ABRA: variants seen among roughly 807,000 people sequenced by gnomAD.
The protein encoded by ABRA is actin binding Rho activating protein.
Under a neutral mutation model 33.4 loss-of-function variants are expected in ABRA, and 25 were observed. That is an observed-to-expected ratio of 0.75 (90% CI 0.55 to 1.04). The LOEUF (loss-of-function observed/expected upper bound fraction) is 1.04. ABRA is among the 50% of genes least tolerant of loss of function. The pLI, the probability that ABRA is intolerant of heterozygous loss-of-function variation, is 0.00. For synonymous variants in ABRA, 193 were observed against 176.8 expected (o/e 1.09, Z -0.73); for missense variants, 501 against 491.7 (o/e 1.02, Z -0.18).
rs530611780 is a variant in ABRA at position 106,763,490 on chromosome 8, G to A, written c.669-1976C>T. Among the ~76,000 whole-genome samples, 348 of 152,322 alleles carry A rather than the reference G, an allele frequency of 2.3e-3. 1 individual carries two copies. Among genetic ancestry groups the A allele is most frequent in the Non-Finnish European group, 3.6e-3 (246 of 68,030 alleles). ...TGCTAGGAGCTCACCAGGCTGAAGTGTAATGGATTTCCCTCAGCCCTCCTT... is the reference window on the plus strand; with the variant it reads ...TGCTAGGAGCTCACCAGGCTGAAGTATAATGGATTTCCCTCAGCCCTCCTT... On this transcript the variant is annotated intron_variant, in intron 1 of 1. Transcript: ENST00000311955.
chr8:106,770,134 C>A lies in ABRA; in HGVS notation c.57G>T (p.Lys19Asn). ...TGATGACCAGGGTGGCTGTGCGTAT[C>A]TTCCGGAGGGCGCTCTTGGCTGGGC... ...GEGPAKSALR[K>N]IRTATLVISL... Residue 19 changes from lysine to asparagine, a missense_variant, in exon 1 of 2, where the codon AAG becomes AAT. Coordinates refer to ENST00000311955, the MANE Select transcript of ABRA (RefSeq NM_139166.5). The A allele has an allele frequency of 6.2e-7, 1 of 1,613,684 alleles. No homozygotes were observed. The highest frequency in any genetic ancestry group is 8.5e-7 in the Non-Finnish European group (1 of 1,179,816).
At chr8:106,764,585 G>GAGAT (rs1177025320) in intron 1 of ABRA, among the ~76,000 whole-genome samples, 1 of 152,200 alleles carries the variant, frequency 6.6e-6, no homozygotes, top group Non-Finnish European at 1.5e-5. Flanking sequence ...CTGTTAGGCA[G>GAGAT]AGATTGCAGT....
At chr8:106,764,944 A>G (rs1224213328) in intron 1 of ABRA, among the ~76,000 whole-genome samples, 2 of 152,270 alleles carry the variant, frequency 1.3e-5, no homozygotes, top group East Asian at 3.9e-4. Context: ...ACTCAGGGTT[A>G]GAAAGTCTTA....
rs1172726112 is a variant in ABRA at position 106,760,929 on chromosome 8, T to C, written c.*108A>G. 8 of 1,021,654 alleles carry C rather than the reference T, an allele frequency of 7.8e-6. No homozygotes were observed. The East Asian group carries it at 1.7e-4, about 21-fold the overall frequency. 63.3% of individuals were successfully genotyped at this position (1,021,654 alleles called of 1,614,324 possible). ...CAGAAAGTCGTTTATGTAAAAATTG[T>C]TTAATATTTACTAACTTATTACAGA... On this transcript the variant is annotated 3_prime_UTR_variant, in exon 2 of 2. Transcript: ENST00000311955.
intron 1 of ABRA, among the ~76,000 whole-genome samples, chr8:106,768,660 G>A (rs773733119): frequency 2.0e-5 from 3 of 152,130 alleles, no homozygotes; most frequent in African/African-American, 4.8e-5. Flanking sequence ...GTGAAACAGA[G>A]TCTTGCTGTG....
rs758515853 is a variant in ABRA, at chr8:106,769,936, C to A, written c.255G>T (p.Leu85=). The change falls in exon 1 of 2, where the codon CTG becomes CTT. Residue 85 remains leucine, a synonymous_variant. Transcript: ENST00000311955. ...TTTGTCCATCTCCATGTCCTTCTGG[C>A]AGGCGGGGTGGCGACTTTGGGGCAC... is the stretch of plus-strand genomic sequence containing the variant. ...AQSAPKSPPR[L]PEGHGDGQSS... The A allele has an allele frequency of 3.1e-6, 5 of 1,613,954 alleles. No individual in the cohort carries two copies. The highest frequency in any genetic ancestry group is 4.2e-6 in the Non-Finnish European group (5 of 1,180,002).
Position 106,761,326 on chromosome 8 carries a change from T to C in ABRA, c.857A>G (p.Tyr286Cys), listed in dbSNP as rs763919499. 9 of 1,614,198 alleles carry C rather than the reference T, an allele frequency of 5.6e-6. No homozygotes were observed. In the Admixed American group the frequency reaches 1.5e-4, roughly 27 times the overall value. ...STRLHKGDEG[Y>C]GRPKEGTKTA... is the part of the protein sequence containing the mutation. ...TTTGGTTCCTTCTTTGGGGCGGCCA[T>C]AGCCCTCATCTCCTTTGTGTAGGCG... The change falls in exon 2 of 2, where the codon TAT becomes TGT. Residue 286 changes from tyrosine (Y) to cysteine (C), a missense_variant. Transcript: ENST00000311955.
intron 1 of ABRA, among the ~76,000 whole-genome samples, chr8:106,763,501 C>T (rs1374561673): frequency 6.6e-6 from 1 of 152,188 alleles, no homozygotes; most frequent in African/African-American, 2.4e-5. Flanking sequence ...TAATGGATTT[C>T]CCTCAGCCCT....
chr8:106,769,920 C>T lies in ABRA; in HGVS notation c.271G>A (p.Asp91Asn). The T allele has an allele frequency of 1.2e-6, 2 of 1,614,152 alleles. No individual in the cohort carries two copies. The highest frequency in any genetic ancestry group is 1.7e-6 in the Non-Finnish European group (2 of 1,180,028). ...GGGGCTTTCTCTGAGCTTTGTCCATCTCCATGTCCTTCTGGCAGGCGGGGT... is the reference window on the plus strand; with the variant it reads ...GGGGCTTTCTCTGAGCTTTGTCCATTTCCATGTCCTTCTGGCAGGCGGGGT... The part of the protein sequence containing the change: ...SPPRLPEGHG[D>N]GQSSEKAPEV... Residue 91 changes from aspartate to asparagine, a missense_variant, in exon 1 of 2, where the codon GAT becomes AAT. By Grantham distance (23) the Asp-to-Asn change is conservative. Coordinates refer to ENST00000311955, the MANE Select transcript of ABRA (RefSeq NM_139166.5).
intron 1 of ABRA, among the ~76,000 whole-genome samples, chr8:106,761,984 T>C (rs1008420855): frequency 1.3e-5 from 2 of 152,180 alleles, no homozygotes; most frequent in African/African-American, 2.4e-5. Flanking sequence ...TTTTTATATG[T>C]GGATTTTTCA....
intron 1 of ABRA, among the ~76,000 whole-genome samples, chr8:106,763,413 A>G (rs1836164786): frequency 6.6e-6 from 1 of 152,210 alleles, no homozygotes; most frequent in African/African-American, 2.4e-5. Context: ...GAAAGCACAC[A>G]AAAACCATAT....
At chr8:106,762,667 T>C (rs1240363451) in intron 1 of ABRA, among the ~76,000 whole-genome samples, 1 of 151,702 alleles carries the variant, frequency 6.6e-6, no homozygotes, top group Non-Finnish European at 1.5e-5. Flanking sequence ...CTGTTGGGGG[T>C]CAGGGGGAGG....
intron 1 of ABRA, among the ~76,000 whole-genome samples, chr8:106,768,356 C>T (rs1192740977): frequency 6.6e-6 from 1 of 152,128 alleles, no homozygotes; most frequent in African/African-American, 2.4e-5. Context: ...ATACATGTTT[C>T]AGTTTGAGTA....
chr8:106,766,263 G>C (rs1442077301), intron 1 of ABRA, among the ~76,000 whole-genome samples: 2 of 152,044 alleles, frequency 1.3e-5, no homozygotes, highest in Non-Finnish European at 2.9e-5. Context: ...CATTTTCATA[G>C]TAAAACTCCA....
intron 1 of ABRA, among the ~76,000 whole-genome samples, chr8:106,768,168 T>C (rs577890595): frequency 2.6e-5 from 4 of 152,208 alleles, no homozygotes; most frequent in Non-Finnish European, 5.9e-5. Context: ...TATTGTTTCA[T>C]AAGACTTGAA....
At position 106,760,810 on chromosome 8, in the gene ABRA, T is replaced by C. The variant is rs1836123748; in HGVS notation, c.*227A>G. On this transcript the variant is annotated 3_prime_UTR_variant, in exon 2 of 2. Coordinates refer to ENST00000311955, the MANE Select transcript of ABRA (RefSeq NM_139166.5). The stretch of plus-strand genomic sequence containing the variant: ...CCTGTGGAATTTCAACTATTAATAC[T>C]ATTATTATACATTAACATTCTATGT... 5.6e-6 allele frequency: 3 copies of C among 532,694 alleles called. No homozygotes were observed. The highest frequency in any genetic ancestry group is 3.4e-5 in the Admixed American group (1 of 29,240). The allele number at this position is 532,694 out of a possible 1,614,324, so 33.0% of individuals were successfully genotyped here.
chr8:106,764,848 T>C (rs1202671509), intron 1 of ABRA, among the ~76,000 whole-genome samples: 3 of 152,190 alleles, frequency 2.0e-5, no homozygotes, highest in South Asian at 4.1e-4. Flanking sequence ...CTCATCCTAA[T>C]GAGCATCTAA....
intron 1 of ABRA, among the ~76,000 whole-genome samples, chr8:106,765,834 C>A (rs1385913463): frequency 6.6e-6 from 1 of 152,106 alleles, no homozygotes; most frequent in Non-Finnish European, 1.5e-5. Flanking sequence ...TACATTTGCA[C>A]CAAAACCCTG....
At position 106,769,583 on chromosome 8, in the gene ABRA, C is replaced by T. The variant is rs190365858; in HGVS notation, c.608G>A (p.Arg203Lys). The T allele has an allele frequency of 1.1e-4, 185 of 1,614,246 alleles. No homozygotes were observed. The highest frequency in any genetic ancestry group is 1.5e-4 in the Non-Finnish European group (173 of 1,180,042). ...CACCTGCACTCCATCCTGCTCGGGC[C>T]TCTCCTCAGCCTCTCCTCCATAGCC... ...DSGYGGEAEE[R>K]PEQDGVQVAV... The change falls in exon 1 of 2, where the codon AGG becomes AAG. Residue 203 changes from arginine (R) to lysine (K), a missense_variant. Transcript: ENST00000311955.
Sources: gnomAD v4.1 joint callset for allele counts (sites outside exome capture counted in the v4.1 genomes callset) on GRCh38, gnomAD v4.1.1 for gene constraint, MANE v1.5 for transcripts, NCBI Gene and HGNC (gene_info 2026-07-23, HGNC 2026-07-21) for gene names.